Variants in RMC1 observed in about 807,000 individuals in gnomAD.
RMC1 encodes the protein regulator of MON1-CCZ1 complex.
Under a neutral mutation model 95.5 loss-of-function variants are expected in RMC1, and 44 were observed. The observed-to-expected ratio is 0.46, with a 90% CI of 0.36 to 0.59. The LOEUF is 0.59. Among genes scored for constraint, RMC1 ranks in the 20% least tolerant of loss-of-function variants. The probability of loss-of-function intolerance (pLI) is 0.00; values close to 1 mark genes in which losing one functional copy is unlikely to be tolerated. For missense variants in RMC1, 705 were observed against 819.6 expected (o/e 0.86, Z 1.71); for synonymous variants, 320 against 303.6 (o/e 1.05, Z -0.56).
chr18:23,510,446 G>A (rs1251261581), intron 5 of RMC1, among the ~76,000 whole-genome samples: 6 of 151,982 alleles, frequency 3.9e-5, no homozygotes, highest in South Asian at 2.1e-4. Flanking sequence ...TCAGGAGTTC[G>A]AGACCAGCAT....
At chr18:23,531,601 G>A in intron 19 of RMC1, 24 bp from the exon 20 acceptor site, 3 of 1,606,110 alleles carry the variant, frequency 1.9e-6, no homozygotes, top group South Asian at 1.1e-5. Context: ...CATCTAACTG[G>A]CAATTAAATC....
rs781778415 is a variant in RMC1 at position 23,530,088 on chromosome 18, C to T, written c.1555C>T (p.His519Tyr). 1.2e-6 allele frequency: 2 copies of T among 1,614,210 alleles called. No individual in the cohort carries two copies. The highest frequency in any genetic ancestry group is 1.7e-6 in the Non-Finnish European group (2 of 1,180,030). ...LVQHNLFYML[H>Y]QFLQYHVLSD... The stretch of plus-strand genomic sequence containing the variant: ...CCAGCACAACCTCTTTTATATGCTG[C>T]ATCAGTTCCTGCAGTACCACGTCCT... The change falls in exon 17 of 20, where the codon CAT becomes TAT. Residue 519 changes from histidine to tyrosine, a missense_variant. Physicochemically the swap from His to Tyr is moderately conservative, Grantham distance 83 (BLOSUM62 2). Transcript: ENST00000269221.
At chr18:23,520,908 G>T (rs1357043260) in intron 10 of RMC1, among the ~76,000 whole-genome samples, 1 of 152,192 alleles carries the variant, frequency 6.6e-6, no homozygotes, top group Non-Finnish European at 1.5e-5. Context: ...AGTAGAGATG[G>T]GGTTTCACCA....
At chr18:23,527,589 C>CTTT (rs71163615) in intron 13 of RMC1, among the ~76,000 whole-genome samples, 38 of 108,330 alleles carry the variant, frequency 3.5e-4, no homozygotes, top group African/African-American at 8.3e-4. Context: ...CCTGCTATAG[C>CTTT]TTTTTTTTTT....
intron 19 of RMC1, 42 bp downstream of exon 19, chr18:23,530,654 A>G: frequency 1.3e-6 from 2 of 1,585,446 alleles, no homozygotes; most frequent in Non-Finnish European, 8.6e-7. Context: ...CATAGCCTCA[A>G]AGAGTAGCAG....
At chr18:23,524,625 C>A in intron 12 of RMC1, 143 bp downstream of exon 12, 1 of 756,268 alleles carries the variant, frequency 1.3e-6, no homozygotes, top group Non-Finnish European at 2.2e-6. Flanking sequence ...TTTTTTTTCA[C>A]TTTATACGTT....
chr18:23,512,962 CT>C (rs949706174), intron 5 of RMC1, among the ~76,000 whole-genome samples: 11 of 150,638 alleles, frequency 7.3e-5, no homozygotes, highest in African/African-American at 2.7e-4. Flanking sequence ...AATTTGACTC[CT>C]TTTTTTTTAA....
chr18:23,507,969 G>T lies in RMC1; in HGVS notation c.265-16G>T. ...CTAATCCAAATTTGTGTGTGTCTGT[G>T]TGTTTTTCCTTTCAGGATTTTTGTA... is the stretch of plus-strand genomic sequence containing the variant. On this transcript the variant is annotated splice_polypyrimidine_tract_variant and intron_variant, in intron 3 of 19. Coordinates refer to ENST00000269221, the MANE Select transcript of RMC1 (RefSeq NM_013326.5). 2.5e-6 allele frequency: 4 copies of T among 1,609,766 alleles called. No homozygotes were observed. Among genetic ancestry groups the T allele is most frequent in the Non-Finnish European group, 3.4e-6 (4 of 1,178,238 alleles).
At chr18:23,525,819 C>G (rs557368682) in intron 12 of RMC1, among the ~76,000 whole-genome samples, 2 of 152,242 alleles carry the variant, frequency 1.3e-5, no homozygotes, top group African/African-American at 4.8e-5. Context: ...CTATGTTACT[C>G]TTTAATCCTC....
At chr18:23,503,471 TG>T (rs1415708015), upstream of RMC1, 3 of 383,204 alleles carry the variant, frequency 7.8e-6, no homozygotes, top group Non-Finnish European at 1.3e-5. Context: ...GTGGGCGGGG[TG>T]GGGGCGTGGC....
At chr18:23,513,009 AGTGGC>A (rs1298438070) in intron 5 of RMC1, among the ~76,000 whole-genome samples, 1 of 152,024 alleles carries the variant, frequency 6.6e-6, no homozygotes, top group African/African-American at 2.4e-5. Context: ...GCTGGAGTGC[AGTGGC>A]GTGATCTCAG....
At chr18:23,519,312 G>A in intron 9 of RMC1, 138 bp downstream of exon 9, 7 of 704,212 alleles carry the variant, frequency 9.9e-6, no homozygotes, top group Middle Eastern at 4.0e-4. Flanking sequence ...GAGCCCAGGA[G>A]TTCGAGACCA....
chr18:23,526,851 TTG>T, intron 13 of RMC1, 86 bp downstream of exon 13: 5 of 1,522,682 alleles, frequency 3.3e-6, no homozygotes, highest in South Asian at 1.3e-5. Context: ...GGCTACATTG[TTG>T]TGTCTTGTCT....
intron 14 of RMC1, 68 bp downstream of exon 14, chr18:23,527,969 TATG>T: frequency 7.7e-7 from 1 of 1,292,862 alleles, no homozygotes; most frequent in Non-Finnish European, 1.1e-6. Context: ...TCTAAGTAAT[TATG>T]ATGCAAAATT....
At position 23,530,627 on chromosome 18, in the gene RMC1, A is replaced by T. The variant is rs758537183; in HGVS notation, c.1894+15A>T. 6.2e-6 allele frequency: 10 copies of T among 1,609,898 alleles called. No individual in the cohort carries two copies. Among genetic ancestry groups the T allele is most frequent in the Non-Finnish European group, 8.5e-6 (10 of 1,177,222 alleles). On this transcript the variant is annotated intron_variant, in intron 19 of 19. Transcript: ENST00000269221. ...TTTCACACCAGGTGAGAATGCAATG[A>T]AAAGACTTGGGGTAACCATAGCCTC...
chr18:23,506,994 G>A lies in RMC1; in HGVS notation c.204G>A (p.Lys68=). 1 of 1,608,830 alleles carries A rather than the reference G, an allele frequency of 6.2e-7. No individual in the cohort carries two copies. The highest frequency in any genetic ancestry group is 8.5e-7 in the Non-Finnish European group (1 of 1,177,410). The change falls in exon 3 of 20, where the codon AAG becomes AAA. Residue 68 remains lysine, a synonymous_variant. Transcript: ENST00000269221. ...GAATGGATGACAAAGGAGAAGTGAA[G>A]TGCATTAAGTTTTCCTTAGAAAATA... ...SFRMDDKGEV[K]CIKFSLENKI...
At chr18:23,524,941 C>CTTTTTTTTTTTTTT (rs5823396) in intron 12 of RMC1, among the ~76,000 whole-genome samples, 1 of 69,216 alleles carries the variant, frequency 1.4e-5, no homozygotes, top group Non-Finnish European at 2.5e-5. Context: ...TTAGAGAAAT[C>CTTTTTTTTTTTTTT]TTTTTTTTTT....
intron 10 of RMC1, among the ~76,000 whole-genome samples, chr18:23,520,642 A>T (rs1239206141): frequency 6.6e-6 from 1 of 151,456 alleles, no homozygotes; most frequent in Non-Finnish European, 1.5e-5. Context: ...ATATTTTTTT[A>T]AATTTATTTT....
At position 23,529,172 on chromosome 18, in the gene RMC1, C is replaced by T. The variant is rs1240803453; in HGVS notation, c.1297-7C>T. 3.1e-6 allele frequency: 5 copies of T among 1,604,598 alleles called. No homozygotes were observed. Among genetic ancestry groups the T allele is most frequent in the Admixed American group, 1.8e-5 (1 of 56,674 alleles). ...GAAGATCATAGTTTGTGGTTTTTTT[C>T]TTTCAGGCGGTGGAAGCAGGGCAGA... On this transcript the variant is annotated splice_polypyrimidine_tract_variant and splice_region_variant and intron_variant, in intron 14 of 19. Coordinates refer to ENST00000269221, the MANE Select transcript of RMC1 (RefSeq NM_013326.5).
Sources: allele counts gnomAD v4.1 joint callset (sites outside exome capture counted in the v4.1 genomes callset), GRCh38; gene constraint gnomAD v4.1.1; transcripts MANE v1.5; gene names NCBI Gene and HGNC (gene_info 2026-07-23, HGNC 2026-07-21).